The following MAPK10 variants were observed in gnomAD, a reference collection of about 807,000 sequenced individuals.
MAPK10 encodes the protein JNK3 alpha protein kinase.
MAPK10 carries 25 observed loss-of-function variants against 59.3 expected under a neutral mutation model. The ratio of observed to expected loss-of-function variants is 0.42; its 90% confidence interval spans 0.31 to 0.59. The LOEUF is 0.59. Among genes scored for constraint, MAPK10 ranks in the 20% least tolerant of loss-of-function variants. MAPK10 has a pLI of 0.15. For synonymous variants in MAPK10, 190 were observed against 200.5 expected, an observed-to-expected ratio of 0.95 and a Z score of 0.44; for missense variants, 351 against 568.9, an observed-to-expected ratio of 0.62 and a Z score of 3.90.
At chr4:86,260,289 T>C (rs958189470) in intron 2 of MAPK10, among the ~76,000 whole-genome samples, 1 of 152,106 alleles carries the variant, frequency 6.6e-6, no homozygotes, top group African/African-American at 2.4e-5. Context: ...ATCTCTAAAA[T>C]AGGGTTTTAA....
intron 3 of MAPK10, among the ~76,000 whole-genome samples, chr4:86,181,818 CAG>C (rs1401713114): frequency 6.6e-6 from 1 of 151,992 alleles, no homozygotes; most frequent in Non-Finnish European, 1.5e-5. Context: ...CTGTAGACAC[CAG>C]AGAGTGTGTA....
chr4:86,230,130 A>G (rs1277751415), intron 2 of MAPK10, among the ~76,000 whole-genome samples: 1 of 152,220 alleles, frequency 6.6e-6, no homozygotes, highest in African/African-American at 2.4e-5. Flanking sequence ...ATAATCAATC[A>G]TGCCTTAGAA....
At chr4:86,483,627 G>A (rs911574822) in intron 1 of MAPK10, among the ~76,000 whole-genome samples, 4 of 151,676 alleles carry the variant, frequency 2.6e-5, no homozygotes, top group Admixed American at 1.3e-4. Context: ...AATATTTATC[G>A]AACACCTGCT....
chr4:86,588,887 T>G (rs1197635168), intron 1 of MAPK10, among the ~76,000 whole-genome samples: 1 of 152,226 alleles, frequency 6.6e-6, no homozygotes, highest in Admixed American at 6.5e-5. Context: ...TAGTATGTTA[T>G]GACTCAGATT....
chr4:86,104,804 T>C (rs2056244706), intron 5 of MAPK10, among the ~76,000 whole-genome samples: 1 of 152,128 alleles, frequency 6.6e-6, no homozygotes, highest in Admixed American at 6.5e-5. Flanking sequence ...TTATTTTCCC[T>C]TTTCCTATGA....
intron 1 of MAPK10, among the ~76,000 whole-genome samples, chr4:86,380,263 A>G (rs550107985): frequency 5.5e-4 from 84 of 152,144 alleles, no homozygotes; most frequent in Admixed American, 2.0e-3. Context: ...AACCCCCCCA[A>G]AAAAACCTGT....
intron 9 of MAPK10, among the ~76,000 whole-genome samples, chr4:86,078,668 A>C (rs1327585596): frequency 6.6e-6 from 1 of 152,034 alleles, no homozygotes. Context: ...TTTCATGGTT[A>C]TGTTTCTAAT....
chr4:86,098,947 T>A (rs770822640), intron 8 of MAPK10: 5 of 203,080 alleles, frequency 2.5e-5, no homozygotes, highest in Non-Finnish European at 5.1e-5. Context: ...GTTTTCTGTG[T>A]CATTTTCCGG....
chr4:86,256,727 TTTCTTTC>T (rs201999855), intron 2 of MAPK10, among the ~76,000 whole-genome samples: 7,079 of 111,664 alleles, frequency 0.063, 493 homozygotes, highest in African/African-American at 0.18. Context: ...TTTTCTTTTC[TTTCTTTC>T]TTTTTTTTTT....
chr4:86,329,567 T>C (rs1372826661), intron 2 of MAPK10, among the ~76,000 whole-genome samples: 1 of 152,162 alleles, frequency 6.6e-6, no homozygotes, highest in Admixed American at 6.5e-5. Context: ...TTGAGCTTGG[T>C]CCAAGCCAGC....
chr4:86,070,050 T>C (rs2047513967), intron 9 of MAPK10, among the ~76,000 whole-genome samples: 1 of 152,182 alleles, frequency 6.6e-6, no homozygotes, highest in Non-Finnish European at 1.5e-5. Flanking sequence ...TTTCCTACCT[T>C]AGGTTGCTTT....
chr4:86,102,285 C>T (rs2055577253), intron 6 of MAPK10: 2 of 375,028 alleles, frequency 5.3e-6, no homozygotes, highest in African/African-American at 2.0e-5. Flanking sequence ...ATTTTGCTTT[C>T]ACTTTCCCCT....
intron 11 of MAPK10, among the ~76,000 whole-genome samples, chr4:86,053,420 T>G (rs1269675291): frequency 1.3e-5 from 2 of 152,142 alleles, no homozygotes; most frequent in African/African-American, 2.4e-5. Context: ...ACATTACAGG[T>G]AAGCAAACAA....
At chr4:86,376,821 T>C (rs115914456) in intron 1 of MAPK10, among the ~76,000 whole-genome samples, 2,329 of 152,292 alleles carry the variant, frequency 0.015, 28 homozygotes, top group Middle Eastern at 0.027. Flanking sequence ...ACAATTCAAA[T>C]TCAATTTAAC....
At chr4:86,096,066 CT>C (rs1431222595) in intron 9 of MAPK10, among the ~76,000 whole-genome samples, 7 of 151,364 alleles carry the variant, frequency 4.6e-5, no homozygotes, top group Non-Finnish European at 8.9e-5. Flanking sequence ...TGGCACTAGG[CT>C]ATCAAAGACT....
intron 4 of MAPK10, among the ~76,000 whole-genome samples, chr4:86,146,986 C>T (rs1174627119): frequency 6.6e-6 from 1 of 152,054 alleles, no homozygotes; most frequent in Non-Finnish European, 1.5e-5. Context: ...GTCAGTAACT[C>T]AATAAAAACC....
At chr4:86,451,234 T>C (rs888218895) in intron 1 of MAPK10, among the ~76,000 whole-genome samples, 2 of 152,092 alleles carry the variant, frequency 1.3e-5, no homozygotes, top group African/African-American at 4.8e-5. Flanking sequence ...TATCATTCGG[T>C]TTTTAAGTTT....
chr4:86,414,166 C>A (rs1195187311), intron 1 of MAPK10, among the ~76,000 whole-genome samples: 2 of 151,956 alleles, frequency 1.3e-5, no homozygotes, highest in African/African-American at 2.4e-5. Flanking sequence ...TCCTAACAAC[C>A]ATTCTACCCC....
chr4:86,206,049 T>A (rs1222231157), intron 2 of MAPK10, among the ~76,000 whole-genome samples: 2 of 151,962 alleles, frequency 1.3e-5, no homozygotes, highest in Non-Finnish European at 2.9e-5. Context: ...TTAATTTAAT[T>A]TTATTATTAT....
Sources: allele counts gnomAD v4.1 joint callset (sites outside exome capture counted in the v4.1 genomes callset), GRCh38; gene constraint gnomAD v4.1.1; transcripts MANE v1.5; gene names NCBI Gene and HGNC (gene_info 2026-07-23, HGNC 2026-07-21).